PRRC2C: variants seen among roughly 807,000 people sequenced by gnomAD.
PRRC2C encodes the protein proline rich coiled-coil 2C, also known as protein PRRC2C.
In PRRC2C, 72 loss-of-function variants were observed where a neutral mutation model predicts 317.2. That is an observed-to-expected ratio of 0.23 (90% CI 0.19 to 0.28). PRRC2C has a LOEUF of 0.28. PRRC2C is among the 10% of genes least tolerant of loss of function. The pLI, the probability that PRRC2C is intolerant of heterozygous loss-of-function variation, is 1.00. For synonymous variants in PRRC2C, 1,296 were observed against 1,205.9 expected (o/e 1.07, Z -1.55); for missense variants, 3,074 against 3,459.7 (o/e 0.89, Z 2.80).
chr1:171,520,269 C>T (rs1441929327), intron 6 of PRRC2C, among the ~76,000 whole-genome samples: 4 of 152,178 alleles, frequency 2.6e-5, no homozygotes, highest in African/African-American at 7.2e-5. Flanking sequence ...GGCCATTAAA[C>T]GTTTTCCTAA....
At chr1:171,539,744 T>C (rs1482069829) in intron 15 of PRRC2C, among the ~76,000 whole-genome samples, 2 of 152,258 alleles carry the variant, frequency 1.3e-5, no homozygotes, top group Non-Finnish European at 2.9e-5. Context: ...TTCTATTGTA[T>C]GTGTATACCA....
chr1:171,556,233 G>C (rs149673746), intron 18 of PRRC2C, among the ~76,000 whole-genome samples: 1 of 152,374 alleles, frequency 6.6e-6, no homozygotes, highest in Middle Eastern at 3.4e-3. Flanking sequence ...TGCCGAGCCA[G>C]GCGTGGGATA....
At chr1:171,503,616 A>C (rs1272728226) in intron 1 of PRRC2C, among the ~76,000 whole-genome samples, 3 of 152,042 alleles carry the variant, frequency 2.0e-5, no homozygotes, top group African/African-American at 7.2e-5. Context: ...AACCTGATAT[A>C]ATCATTCTAT....
Position 171,535,371 on chromosome 1 carries a change from T to G in PRRC2C, c.1874-57T>G, listed in dbSNP as rs374656591. 2.5e-5 allele frequency: 37 copies of G among 1,469,576 alleles called. No individual in the cohort carries two copies. In the African/African-American group the frequency reaches 3.0e-4, roughly 12 times the overall value. 91.0% of individuals were successfully genotyped at this position (1,469,576 alleles called of 1,614,324 possible). ...TATACCTCAGTCTTTGTAAAAATCC[T>G]GTGTTTGATAAGTGTCATAGATGAA... is the stretch of plus-strand genomic sequence containing the variant. On this transcript the variant is annotated intron_variant, in intron 12 of 34. Transcript: ENST00000647382.
intron 10 of PRRC2C, among the ~76,000 whole-genome samples, chr1:171,525,643 A>T (rs1481677029): frequency 1.3e-5 from 2 of 152,204 alleles, no homozygotes; most frequent in East Asian, 1.9e-4. Flanking sequence ...CAGGAAAAAA[A>T]GTCAGTAAGC....
At chr1:171,587,565 G>A (rs954180904) in intron 31 of PRRC2C, 83 bp from the exon 32 acceptor site, 4 of 932,278 alleles carry the variant, frequency 4.3e-6, no homozygotes, top group East Asian at 2.6e-5. Flanking sequence ...CCTAGATTAC[G>A]TCTTCACGTA....
In PRRC2C at chr1:171,532,266, T is replaced by C. The variant is rs75282513; in HGVS notation, c.1255-77T>C. ...AATTTCTGATATTTTTGTGGGGTTTTTCCTTCTCCATGCCTGATACCCAGT... is the reference window on the plus strand; with the variant it reads ...AATTTCTGATATTTTTGTGGGGTTTCTCCTTCTCCATGCCTGATACCCAGT... On this transcript the variant is annotated intron_variant, in intron 11 of 34. Coordinates refer to ENST00000647382, the MANE Select transcript of PRRC2C (RefSeq NM_001387844.1). The C allele has an allele frequency of 1.2e-3, 1,724 of 1,446,286 alleles. 18 individuals carry two copies. In the African/African-American group the frequency reaches 0.022, roughly 18 times the overall value. The allele number at this position is 1,446,286 out of a possible 1,614,324, so 89.6% of individuals were successfully genotyped here.
At position 171,514,596 on chromosome 1, in the gene PRRC2C, A is replaced by T. The variant is rs1671995048; in HGVS notation, c.351A>T (p.Ala117=). ...KPGVAAPPEV[A]PAPKSWASNK... ...GGGTTGCAGCTCCCCCAGAAGTAGC[A>T]CCTGCTCCCAAATCATGGGCCAGTA... Residue 117 remains alanine, a synonymous_variant, in exon 4 of 35, where the codon GCA becomes GCT. Coordinates refer to ENST00000647382, the MANE Select transcript of PRRC2C (RefSeq NM_001387844.1). The T allele has an allele frequency of 6.4e-7, 1 of 1,562,122 alleles. No individual in the cohort carries two copies. Among genetic ancestry groups the T allele is most frequent in the Non-Finnish European group, 8.7e-7 (1 of 1,153,198 alleles).
At position 171,540,190 on chromosome 1, in the gene PRRC2C, T is replaced by G; in HGVS notation, c.2724T>G (p.Ala908=). ...FEAPDQKTLS[A]PQEERISAVE... ...CACCTGATCAAAAGACCTTATCCGC[T>G]CCTCAAGAGGAGCGGATTTCAGCTG... The change falls in exon 16 of 35, where the codon GCT becomes GCG. Residue 908 remains alanine, a synonymous_variant. Coordinates refer to ENST00000647382, the MANE Select transcript of PRRC2C (RefSeq NM_001387844.1). The G allele has an allele frequency of 1.9e-6, 3 of 1,613,832 alleles. No homozygotes were observed. Among genetic ancestry groups the G allele is most frequent in the Non-Finnish European group, 2.5e-6 (3 of 1,179,844 alleles).
At chr1:171,577,735 C>T in intron 26 of PRRC2C, 98 bp downstream of exon 26, 2 of 991,438 alleles carry the variant, frequency 2.0e-6, no homozygotes, top group Non-Finnish European at 3.0e-6. Context: ...AAGCATAAGG[C>T]TCTTAAAGTA....
At chr1:171,528,522 A>G (rs930000230) in intron 11 of PRRC2C, among the ~76,000 whole-genome samples, 1 of 151,644 alleles carries the variant, frequency 6.6e-6, no homozygotes, top group Non-Finnish European at 1.5e-5. Flanking sequence ...CGATATCCTG[A>G]CCTCGTGATC....
At chr1:171,582,670 C>G (rs1054859689) in intron 28 of PRRC2C, among the ~76,000 whole-genome samples, 1 of 151,894 alleles carries the variant, frequency 6.6e-6, no homozygotes, top group Non-Finnish European at 1.5e-5. Flanking sequence ...ACAATCTAAA[C>G]AGAAAAGGTA....
At chr1:171,492,451 G>T (rs1321494632) in intron 1 of PRRC2C, among the ~76,000 whole-genome samples, 2 of 152,212 alleles carry the variant, frequency 1.3e-5, no homozygotes, top group Non-Finnish European at 2.9e-5. Flanking sequence ...TAGCTACTTG[G>T]AAGGCTGAGG....
chr1:171,500,818 T>C (rs1490264689), intron 1 of PRRC2C, among the ~76,000 whole-genome samples: 1 of 152,228 alleles, frequency 6.6e-6, no homozygotes, highest in Non-Finnish European at 1.5e-5. Flanking sequence ...TTCATTTCTT[T>C]TTTTCCTCCC....
At chr1:171,544,268 C>T (rs1388097823) in intron 16 of PRRC2C, among the ~76,000 whole-genome samples, 3 of 152,156 alleles carry the variant, frequency 2.0e-5, no homozygotes, top group Non-Finnish European at 2.9e-5. Flanking sequence ...GGATTACAGG[C>T]GTACACTACC....
rs549372687 is a variant in PRRC2C, at chr1:171,519,911, C to T, written c.750+2097C>T. On this transcript the variant is annotated intron_variant, in intron 6 of 34. Transcript: ENST00000647382. ...GTTCCAATTTTGCTGCCAAAGTGAGCATATACATTACTATTTTTTAATCAT... is the reference window on the plus strand; with the variant it reads ...GTTCCAATTTTGCTGCCAAAGTGAGTATATACATTACTATTTTTTAATCAT... Among the ~76,000 whole-genome samples, 10 of 152,280 alleles carry T rather than the reference C, an allele frequency of 6.6e-5. No individual in the cohort carries two copies. In the East Asian group the frequency reaches 1.7e-3, roughly 26 times the overall value.
chr1:171,543,567 A>G (rs1482473672), intron 16 of PRRC2C, among the ~76,000 whole-genome samples: 2 of 152,200 alleles, frequency 1.3e-5, no homozygotes, highest in Non-Finnish European at 2.9e-5. Context: ...GTAAGTAATC[A>G]TTATTATGTG....
chr1:171,490,010 C>T (rs1475126427), intron 1 of PRRC2C, among the ~76,000 whole-genome samples: 2 of 152,140 alleles, frequency 1.3e-5, no homozygotes, highest in East Asian at 1.9e-4. Flanking sequence ...ACCTCTCCCT[C>T]CCGGGTTCAA....
At position 171,532,707 on chromosome 1, in the gene PRRC2C, A is replaced by G; in HGVS notation, c.1619A>G (p.Gln540Arg). The change falls in exon 12 of 35, where the codon CAG becomes CGG. Residue 540 changes from glutamine to arginine, a missense_variant. Around this residue, in one of 11 missense-constraint regions of PRRC2C, gnomAD observed 1,320 missense variants for 1,395.7 expected, o/e 0.95. Coordinates refer to ENST00000647382, the MANE Select transcript of PRRC2C (RefSeq NM_001387844.1). The part of the protein sequence containing the change: ...EKEREKDRER[Q>R]QEKEKELEKE... ...GAGAGGGAAAAAGACAGAGAGAGAC[A>G]GCAGGAAAAGGAGAAAGAGCTGGAG... is the stretch of plus-strand genomic sequence containing the variant. 1 of 1,550,710 alleles carries G rather than the reference A, an allele frequency of 6.4e-7. No homozygotes were observed. The highest frequency in any genetic ancestry group is 8.7e-7 in the Non-Finnish European group (1 of 1,146,902).
Sources: gnomAD v4.1 joint callset for allele counts (sites outside exome capture counted in the v4.1 genomes callset) on GRCh38, gnomAD v4.1.1 for gene constraint, gnomAD v4.1.1 regional missense constraint, MANE v1.5 for transcripts, NCBI Gene and HGNC (gene_info 2026-07-23, HGNC 2026-07-21) for gene names.